Variants in KCNQ3 observed in about 807,000 individuals in gnomAD.
KCNQ3 encodes the protein potassium voltage-gated channel subfamily Q member 3, also known as potassium voltage-gated channel subfamily KQT member 3.
A neutral mutation model predicts 92.5 loss-of-function variants in KCNQ3; 30 were observed. That is an observed-to-expected ratio of 0.32 (90% CI 0.24 to 0.44). The LOEUF (loss-of-function observed/expected upper bound fraction) is 0.44. Among genes scored for constraint, KCNQ3 ranks in the 20% least tolerant of loss-of-function variants. The probability of loss-of-function intolerance (pLI) is 1.00; values close to 1 mark genes in which losing one functional copy is unlikely to be tolerated. For missense variants in KCNQ3, 913 were observed against 1,140.3 expected (o/e 0.80, Z 2.87); for synonymous variants, 450 against 468.8 (o/e 0.96, Z 0.52).
At position 132,452,414 on chromosome 8, in the gene KCNQ3, T is replaced by G. The variant is rs1287175085; in HGVS notation, c.386+27733A>C. 2.0e-5 allele frequency among the ~76,000 whole-genome samples: 3 copies of G among 152,194 alleles called. No individual in the cohort carries two copies. In the East Asian group the frequency reaches 5.8e-4, roughly 29 times the overall value. ...CAGGGTTCATCCATGTTGTAACAAG[T>G]GTCAGAAATGCTTTCATTTTAAGGC... On this transcript the variant is annotated intron_variant, in intron 1 of 14. Transcript: ENST00000388996.
At chr8:132,335,302 G>A (rs1161477286) in intron 1 of KCNQ3, among the ~76,000 whole-genome samples, 13 of 152,112 alleles carry the variant, frequency 8.5e-5, no homozygotes, top group Admixed American at 8.5e-4. Flanking sequence ...GCATCCCAAA[G>A]TGCTGGGATT....
chr8:132,347,650 A>AT (rs1314950915), intron 1 of KCNQ3, among the ~76,000 whole-genome samples: 27 of 152,200 alleles, frequency 1.8e-4, no homozygotes, highest in Non-Finnish European at 2.1e-4. Context: ...TTAAACTGAG[A>AT]TAAAAAATAT....
At chr8:132,213,440 C>G (rs1813927045) in intron 1 of KCNQ3, among the ~76,000 whole-genome samples, 1 of 152,154 alleles carries the variant, frequency 6.6e-6, no homozygotes. Context: ...AGTTGGTCTC[C>G]TTGAAGGAGT....
At chr8:132,154,492 T>G (rs902774564) in intron 9 of KCNQ3, among the ~76,000 whole-genome samples, 1 of 152,070 alleles carries the variant, frequency 6.6e-6, no homozygotes, top group Non-Finnish European at 1.5e-5. Context: ...AGGAAGCAGT[T>G]AAGATCTGTC....
intron 1 of KCNQ3, among the ~76,000 whole-genome samples, chr8:132,260,413 A>C (rs1415894465): frequency 6.6e-6 from 1 of 152,206 alleles, no homozygotes; most frequent in African/African-American, 2.4e-5. Context: ...AACACAGCAG[A>C]AAATAAATCT....
chr8:132,388,029 A>AGAAGAG (rs139010576), intron 1 of KCNQ3, among the ~76,000 whole-genome samples: 2 of 149,748 alleles, frequency 1.3e-5, no homozygotes, highest in East Asian at 3.9e-4. Context: ...AGGAAGAAGA[A>AGAAGAG]GAAGAGGAAG....
At chr8:132,210,812 A>G (rs992673154) in intron 1 of KCNQ3, among the ~76,000 whole-genome samples, 3 of 152,254 alleles carry the variant, frequency 2.0e-5, no homozygotes, top group African/African-American at 7.2e-5. Context: ...AAGAGAGAAG[A>G]TCATGGAGGC....
Position 132,142,971 on chromosome 8 carries a change from T to C in KCNQ3, c.1263-1640A>G, listed in dbSNP as rs1825345423. On this transcript the variant is annotated intron_variant, in intron 9 of 14. Transcript: ENST00000388996. ...TCATAGAGGGTTAGGGAGTGTTACA[T>C]GTGATAATTTCTGTAACATTTCTTG... 3.9e-5 allele frequency among the ~76,000 whole-genome samples: 6 copies of C among 152,264 alleles called. No homozygotes were observed. The South Asian group carries it at 1.2e-3, about 32-fold the overall frequency.
intron 4 of KCNQ3, among the ~76,000 whole-genome samples, 187 bp downstream of exon 4, chr8:132,179,970 C>T (rs1011044134): frequency 6.6e-6 from 1 of 152,212 alleles, no homozygotes; most frequent in Non-Finnish European, 1.5e-5. Flanking sequence ...CCCTGAACCA[C>T]ACCTGCTCCT....
chr8:132,345,277 T>G (rs1358951590), intron 1 of KCNQ3, among the ~76,000 whole-genome samples: 1 of 152,222 alleles, frequency 6.6e-6, no homozygotes, highest in Non-Finnish European at 1.5e-5. Context: ...CATCCTGCCT[T>G]CCTTAGATCT....
rs1820705456 is a variant in KCNQ3 at position 132,413,332 on chromosome 8, C to T, written c.386+66815G>A. On this transcript the variant is annotated intron_variant, in intron 1 of 14. Coordinates refer to ENST00000388996, the MANE Select transcript of KCNQ3 (RefSeq NM_004519.4). ...ACTGTTTCTTTGTGTTTCTCAAAATCCTTCTTCACCTACGTTATTTCAAGT... is the reference window on the plus strand; with the variant it reads ...ACTGTTTCTTTGTGTTTCTCAAAATTCTTCTTCACCTACGTTATTTCAAGT... 2.0e-5 allele frequency among the ~76,000 whole-genome samples: 3 copies of T among 152,342 alleles called. No homozygotes were observed. The South Asian group carries it at 6.2e-4, about 32-fold the overall frequency.
intron 1 of KCNQ3, among the ~76,000 whole-genome samples, chr8:132,315,514 C>T (rs995675912): frequency 6.6e-6 from 1 of 152,094 alleles, no homozygotes; most frequent in African/African-American, 2.4e-5. Context: ...TGTAAAAGCT[C>T]ATACTCCCAG....
intron 1 of KCNQ3, among the ~76,000 whole-genome samples, chr8:132,315,576 T>C (rs1220860490): frequency 6.6e-6 from 1 of 152,152 alleles, no homozygotes; most frequent in African/African-American, 2.4e-5. Flanking sequence ...GTGTTTTTTT[T>C]CCACCCCCTC....
intron 1 of KCNQ3, among the ~76,000 whole-genome samples, chr8:132,217,239 C>T (rs1251310005): frequency 6.6e-6 from 1 of 152,088 alleles, no homozygotes; most frequent in Admixed American, 6.5e-5. Flanking sequence ...CAGCACACCA[C>T]GGGAGAAGAG....
intron 1 of KCNQ3, among the ~76,000 whole-genome samples, chr8:132,294,161 C>T (rs1341367521): frequency 1.3e-5 from 2 of 151,996 alleles, no homozygotes; most frequent in Non-Finnish European, 2.9e-5. Context: ...CAACCACACC[C>T]GGCTAATTTT....
chr8:132,172,559 A>T, intron 7 of KCNQ3, 39 bp downstream of exon 7: 1 of 1,547,840 alleles, frequency 6.5e-7, no homozygotes. Context: ...ATATGCATGG[A>T]TCTTAATCCC....
At chr8:132,332,097 G>C (rs935138286) in intron 1 of KCNQ3, among the ~76,000 whole-genome samples, 2 of 152,180 alleles carry the variant, frequency 1.3e-5, no homozygotes, top group Non-Finnish European at 2.9e-5. Context: ...GATATAAAAA[G>C]ACTTTGATGT....
At chr8:132,453,818 T>C (rs1821879447) in intron 1 of KCNQ3, among the ~76,000 whole-genome samples, 1 of 152,166 alleles carries the variant, frequency 6.6e-6, no homozygotes, top group Non-Finnish European at 1.5e-5. Flanking sequence ...CTGGCCCAAC[T>C]AGAAGACGAA....
At chr8:132,131,496 A>C (rs1443775233) in intron 14 of KCNQ3, among the ~76,000 whole-genome samples, 1 of 152,122 alleles carries the variant, frequency 6.6e-6, no homozygotes, top group African/African-American at 2.4e-5. Context: ...GAAAAGGAGG[A>C]CACACAACAT....
Sources: allele counts gnomAD v4.1 joint callset (sites outside exome capture counted in the v4.1 genomes callset), GRCh38; gene constraint gnomAD v4.1.1; transcripts MANE v1.5; gene names NCBI Gene and HGNC (gene_info 2026-07-23, HGNC 2026-07-21).